The following ULK4 variants were observed in gnomAD, a reference collection of about 807,000 sequenced individuals.
The protein encoded by ULK4 is unc-51 like kinase 4, also known as inactive serine/threonine-protein kinase ULK4.
In ULK4, 133 loss-of-function variants were observed where a neutral mutation model predicts 160.6. The observed-to-expected ratio is 0.83, with a 90% confidence interval of 0.72 to 0.96. ULK4 has a LOEUF of 0.96. Among genes scored for constraint, ULK4 ranks in the 40% least tolerant of loss-of-function variants. ULK4 has a pLI of 0.00. For synonymous variants in ULK4, 534 were observed against 539.8 expected (o/e 0.99, Z 0.15); for missense variants, 1,580 against 1,499.5 (o/e 1.05, Z -0.89).
intron 32 of ULK4, among the ~76,000 whole-genome samples, chr3:41,555,544 G>A (rs2087259536): frequency 6.6e-6 from 1 of 152,146 alleles, no homozygotes; most frequent in African/African-American, 2.4e-5. Context: ...AGGTTGTGGA[G>A]AAAAAGGAGC....
intron 30 of ULK4, among the ~76,000 whole-genome samples, chr3:41,627,146 T>A (rs1160172839): frequency 1.3e-5 from 2 of 152,138 alleles, no homozygotes; most frequent in African/African-American, 4.8e-5. Context: ...GAACCAAGAA[T>A]AAAATTAAGA....
chr3:41,806,621 T>C (rs1265250833), intron 19 of ULK4, among the ~76,000 whole-genome samples: 1 of 152,174 alleles, frequency 6.6e-6, no homozygotes, highest in African/African-American at 2.4e-5. Context: ...TGTGGGCATT[T>C]AGTGCTATAA....
chr3:41,659,865 A>T (rs543802144), intron 30 of ULK4, among the ~76,000 whole-genome samples: 57 of 152,334 alleles, frequency 3.7e-4, no homozygotes, highest in African/African-American at 1.3e-3. Flanking sequence ...ATGCAATGGA[A>T]GATCTTACCA....
intron 11 of ULK4, among the ~76,000 whole-genome samples, chr3:41,909,902 A>AT (rs200120076): frequency 0.023 from 3,383 of 149,370 alleles, 121 homozygotes; most frequent in African/African-American, 0.078. Context: ...ATACTACTAA[A>AT]TTTTTTTTTT....
At chr3:41,865,271 T>TAAAAAAAAA (rs55741060) in intron 17 of ULK4, among the ~76,000 whole-genome samples, 3 of 29,896 alleles carry the variant, frequency 1.0e-4, no homozygotes, top group African/African-American at 2.7e-4. Flanking sequence ...ACTCTGTCTT[T>TAAAAAAAAA]AAAAAAAAAA....
chr3:41,604,896 T>C (rs936451156), intron 31 of ULK4, among the ~76,000 whole-genome samples: 1 of 152,080 alleles, frequency 6.6e-6, no homozygotes, highest in Non-Finnish European at 1.5e-5. Flanking sequence ...CCAGGATGTA[T>C]CCAACATGTA....
intron 21 of ULK4, among the ~76,000 whole-genome samples, chr3:41,774,120 T>C (rs1048094580): frequency 3.9e-5 from 6 of 152,146 alleles, no homozygotes; most frequent in East Asian, 1.9e-4. Context: ...ATAAAGAGCC[T>C]AGAAGAAAAC....
intron 3 of ULK4, among the ~76,000 whole-genome samples, chr3:41,936,229 C>T (rs975313435): frequency 3.3e-5 from 5 of 152,166 alleles, no homozygotes; most frequent in African/African-American, 1.2e-4. Context: ...GCTATAAATA[C>T]TAATGGTAAA....
intron 35 of ULK4, among the ~76,000 whole-genome samples, chr3:41,385,753 A>T (rs1365335498): frequency 1.3e-5 from 2 of 152,194 alleles, no homozygotes; most frequent in Non-Finnish European, 2.9e-5. Context: ...GAAAAACACA[A>T]ATCTCAATCA....
At chr3:41,395,564 TAG>T (rs2082041870) in intron 35 of ULK4, among the ~76,000 whole-genome samples, 1 of 152,108 alleles carries the variant, frequency 6.6e-6, no homozygotes, top group South Asian at 2.1e-4. Flanking sequence ...ACGAGGTACC[TAG>T]AGTAGTCAAA....
At chr3:41,675,707 G>A (rs1368825954) in intron 29 of ULK4, among the ~76,000 whole-genome samples, 2 of 152,158 alleles carry the variant, frequency 1.3e-5, no homozygotes, top group African/African-American at 4.8e-5. Context: ...CTGACACAGA[G>A]ATAAAAGGGA....
At chr3:41,954,088 G>T (rs932315835) in intron 2 of ULK4, among the ~76,000 whole-genome samples, 3 of 149,490 alleles carry the variant, frequency 2.0e-5, no homozygotes, top group Admixed American at 6.8e-5. Context: ...TGAAGCAGGA[G>T]AATGGCGTGA....
intron 22 of ULK4, among the ~76,000 whole-genome samples, chr3:41,733,842 C>A (rs866690501): frequency 1.3e-5 from 2 of 149,298 alleles, no homozygotes; most frequent in African/African-American, 5.0e-5. Context: ...TCAAGCAATT[C>A]CCCTGCCTCA....
rs59543183 is a variant in ULK4, at chr3:41,819,521, G to GA, written c.1765-16dup. ...TTTTTTTCTTCCTAAAATGAAGTGG[G>GA]AAAAAAAAAGGCAGTGAAGCTAACA... On this transcript the variant is annotated splice_polypyrimidine_tract_variant and intron_variant, in intron 18 of 36. Transcript: ENST00000301831. 990 of 1,571,742 alleles carry GA rather than the reference G, an allele frequency of 6.3e-4. 7 individuals carry two copies. In the African/African-American group the frequency reaches 8.1e-3, roughly 13 times the overall value.
At chr3:41,754,564 C>T in intron 21 of ULK4, 76 bp from the exon 22 acceptor site, 1 of 1,380,340 alleles carries the variant, frequency 7.2e-7, no homozygotes, top group Non-Finnish European at 9.7e-7. Flanking sequence ...AGTGAACAGA[C>T]TATAATAATC....
chr3:41,387,960 CA>C (rs1390432515), intron 35 of ULK4, among the ~76,000 whole-genome samples: 1 of 152,218 alleles, frequency 6.6e-6, no homozygotes. Context: ...CTGACTTCCA[CA>C]ATGGTTGAAC....
chr3:41,512,581 C>T (rs888838521), intron 32 of ULK4, among the ~76,000 whole-genome samples: 1 of 152,022 alleles, frequency 6.6e-6, no homozygotes, highest in African/African-American at 2.4e-5. Flanking sequence ...GGTGAAAGAC[C>T]TCTACAAGGA....
chr3:41,768,017 C>T (rs1279066162), intron 21 of ULK4, among the ~76,000 whole-genome samples: 1 of 152,192 alleles, frequency 6.6e-6, no homozygotes, highest in African/African-American at 2.4e-5. Context: ...CTCACCTGAG[C>T]TCCATCTTCT....
chr3:41,303,176 AC>A (rs2079833645), intron 35 of ULK4, among the ~76,000 whole-genome samples: 1 of 152,174 alleles, frequency 6.6e-6, no homozygotes. Context: ...ATTTTGACTC[AC>A]GCTTTTCTCA....
Sources: allele counts gnomAD v4.1 joint callset (sites outside exome capture counted in the v4.1 genomes callset), GRCh38; gene constraint gnomAD v4.1.1; transcripts MANE v1.5; gene names NCBI Gene and HGNC (gene_info 2026-07-23, HGNC 2026-07-21).